NECAB1: variants seen among roughly 807,000 people sequenced by gnomAD.
The protein encoded by NECAB1 is N-terminal EF-hand calcium-binding protein 1.
Under a neutral mutation model 57.5 loss-of-function variants are expected in NECAB1, and 29 were observed. The observed-to-expected ratio is 0.50, with a 90% confidence interval of 0.38 to 0.69. The LOEUF (loss-of-function observed/expected upper bound fraction) is 0.69, where lower values mean the gene tolerates loss of function less well. NECAB1 is among the 30% of genes least tolerant of loss of function. The pLI is 0.00. For synonymous variants in NECAB1, 142 were observed against 147.7 expected, an observed-to-expected ratio of 0.96 and a Z score of 0.28; for missense variants, 372 against 413.8, an observed-to-expected ratio of 0.90 and a Z score of 0.88.
rs1810326544 is a variant in NECAB1 at position 90,928,274 on chromosome 8, A to T, written c.668A>T (p.Lys223Ile). 1 of 1,608,964 alleles carries T rather than the reference A, an allele frequency of 6.2e-7. No individual in the cohort carries two copies. The highest frequency in any genetic ancestry group is 8.5e-7 in the Non-Finnish European group (1 of 1,177,916). The change falls in exon 8 of 13, where the codon AAA becomes ATA. Residue 223 changes from lysine to isoleucine, a missense_variant. Lys to Ile is a moderately radical substitution (Grantham distance 102). Transcript: ENST00000417640. The part of the protein sequence containing the change: ...QWMTQINRLQ[K>I]LIDRLEKKDL... ...ATGACCCAGATAAATAGACTCCAGA[A>T]ATTAATTGATAGACTGGAAAAGAAG...
chr8:90,828,738 A>G (rs908549504), intron 3 of NECAB1, among the ~76,000 whole-genome samples: 1 of 152,014 alleles, frequency 6.6e-6, no homozygotes, highest in Non-Finnish European at 1.5e-5. Context: ...TTTTTCTTGC[A>G]TATAGTAATT....
At position 90,928,289 on chromosome 8, in the gene NECAB1, T is replaced by C. The variant is rs1381933851; in HGVS notation, c.683T>C (p.Leu228Pro). 6.2e-7 allele frequency: 1 copy of C among 1,605,998 alleles called. No homozygotes were observed. Among genetic ancestry groups the C allele is most frequent in the South Asian group, 1.1e-5 (1 of 90,132 alleles). ...INRLQKLIDR[L>P]EKKDLKLEPP... ...AGACTCCAGAAATTAATTGATAGAC[T>C]GGAAAAGAAGGTAGGTGCTTTCTTT... Residue 228 changes from leucine to proline, a missense_variant, in exon 8 of 13, where the codon CTG becomes CCG. Coordinates refer to ENST00000417640, the MANE Select transcript of NECAB1 (RefSeq NM_022351.5).
At chr8:90,835,545 AAAT>A (rs937671701) in intron 3 of NECAB1, among the ~76,000 whole-genome samples, 1 of 151,914 alleles carries the variant, frequency 6.6e-6, no homozygotes, top group Non-Finnish European at 1.5e-5. Flanking sequence ...ACTCGCCACA[AAAT>A]AATAATAATA....
intron 3 of NECAB1, among the ~76,000 whole-genome samples, chr8:90,840,364 A>T (rs1303119877): frequency 6.6e-6 from 1 of 152,232 alleles, no homozygotes; most frequent in Non-Finnish European, 1.5e-5. Flanking sequence ...CACATTTTGC[A>T]CATAAGGAAC....
chr8:90,955,004 CAT>C (rs35603988), intron 12 of NECAB1, among the ~76,000 whole-genome samples: 46,406 of 143,754 alleles, frequency 0.32, 8,019 homozygotes, highest in East Asian at 0.6. Context: ...TATATGTACA[CAT>C]ATGCATATAT....
intron 3 of NECAB1, among the ~76,000 whole-genome samples, chr8:90,831,818 A>AC: frequency 6.6e-6 from 1 of 151,940 alleles, no homozygotes; most frequent in South Asian, 2.1e-4. Flanking sequence ...CTCTGTAATC[A>AC]CCCCCTTAGT....
chr8:90,859,451 T>C (rs12546317), intron 3 of NECAB1, among the ~76,000 whole-genome samples: 6,131 of 152,200 alleles, frequency 0.04, 564 homozygotes, highest in East Asian at 0.37. Context: ...GGGGAAAGAA[T>C]GTAACTATGT....
intron 8 of NECAB1, among the ~76,000 whole-genome samples, chr8:90,933,134 G>A (rs1810449777): frequency 6.6e-6 from 1 of 152,208 alleles, no homozygotes; most frequent in African/African-American, 2.4e-5. Context: ...TGGTGGGAAT[G>A]TAAACAAGTA....
intron 7 of NECAB1, 57 bp from the exon 8 acceptor site, chr8:90,928,166 C>A: frequency 7.8e-7 from 1 of 1,285,208 alleles, no homozygotes; most frequent in Non-Finnish European, 1.1e-6. Flanking sequence ...TATAACCAAG[C>A]ATTTCTTCTC....
chr8:90,793,043 T>A (rs763262702), intron 1 of NECAB1, among the ~76,000 whole-genome samples: 4 of 152,208 alleles, frequency 2.6e-5, no homozygotes, highest in Non-Finnish European at 5.9e-5. Flanking sequence ...CCTTTACCCT[T>A]CTCTGAGTTA....
At chr8:90,859,914 C>A (rs1586064740) in intron 3 of NECAB1, among the ~76,000 whole-genome samples, 1 of 152,036 alleles carries the variant, frequency 6.6e-6, no homozygotes, top group East Asian at 1.9e-4. Flanking sequence ...TAGATTATTG[C>A]TGCACCAAAA....
chr8:90,881,228 A>G (rs1380684544), intron 5 of NECAB1, 98 bp downstream of exon 5: 2 of 782,144 alleles, frequency 2.6e-6, no homozygotes, highest in African/African-American at 3.5e-5. Flanking sequence ...ATTCTTTATT[A>G]TCACTGATAG....
At position 90,791,805 on chromosome 8, in the gene NECAB1, G is replaced by C; in HGVS notation, c.-82G>C. On this transcript the variant is annotated 5_prime_UTR_variant, in exon 1 of 13. Coordinates refer to ENST00000417640, the MANE Select transcript of NECAB1 (RefSeq NM_022351.5). The stretch of plus-strand genomic sequence containing the variant: ...GGATCCAGAGCCCGGCGGCGGCGAA[G>C]CAGCAGCTGCGGCCGCGCCCTTGCC... 8.7e-7 allele frequency: 1 copy of C among 1,149,096 alleles called. No homozygotes were observed. The allele number at this position is 1,149,096 out of a possible 1,614,324, so 71.2% of individuals were successfully genotyped here. A position where few individuals can be genotyped will look rare whatever the true frequency, so the allele number is the denominator to read the frequency against.
intron 10 of NECAB1, among the ~76,000 whole-genome samples, chr8:90,945,446 C>T (rs1810781570): frequency 6.6e-6 from 1 of 152,034 alleles, no homozygotes; most frequent in South Asian, 2.1e-4. Flanking sequence ...GTGATCCGCC[C>T]ACCTCGGCCT....
Position 90,957,269 on chromosome 8 carries a change from T to C in NECAB1, c.*1757T>C, listed in dbSNP as rs1168069773. ...TTGTAAATGGTTTCAAAAATACAAA[T>C]TATAGCCAATCAAAACATTGCTTTG... On this transcript the variant is annotated 3_prime_UTR_variant, in exon 13 of 13. Coordinates refer to ENST00000417640, the MANE Select transcript of NECAB1 (RefSeq NM_022351.5). 1 of 151,954 alleles carries C rather than the reference T, an allele frequency of 6.6e-6. No homozygotes were observed. Among genetic ancestry groups the C allele is most frequent in the East Asian group, 1.9e-4 (1 of 5,196 alleles). The allele number at this position is 151,954 out of a possible 1,614,324, so 9.4% of individuals were successfully genotyped here.
chr8:90,857,571 A>G (rs1429494250), intron 3 of NECAB1, among the ~76,000 whole-genome samples: 1 of 152,168 alleles, frequency 6.6e-6, no homozygotes, highest in Admixed American at 6.5e-5. Flanking sequence ...ATGCTTTTTC[A>G]TGTGAAACAC....
chr8:90,823,110 A>T (rs1330021848), intron 2 of NECAB1, among the ~76,000 whole-genome samples: 2 of 151,808 alleles, frequency 1.3e-5, no homozygotes, highest in African/African-American at 4.8e-5. Flanking sequence ...TAGGAAATTG[A>T]TGAGCCTGGG....
At chr8:90,936,246 G>A (rs572440288) in intron 9 of NECAB1, among the ~76,000 whole-genome samples, 2 of 152,198 alleles carry the variant, frequency 1.3e-5, no homozygotes, top group African/African-American at 4.8e-5. Flanking sequence ...GAGTAGAGAG[G>A]TATTTTCCCT....
At chr8:90,812,515 GT>G (rs1165598594) in intron 2 of NECAB1, 1 of 152,010 alleles carries the variant, frequency 6.6e-6, no homozygotes, top group Non-Finnish European at 1.5e-5. Context: ...AATGAAGACA[GT>G]TTTTTTCATT....
Sources: gnomAD v4.1 joint callset for allele counts (sites outside exome capture counted in the v4.1 genomes callset) on GRCh38, gnomAD v4.1.1 for gene constraint, MANE v1.5 for transcripts, NCBI Gene and HGNC (gene_info 2026-07-23, HGNC 2026-07-21) for gene names.